PSMD13: variants seen among roughly 807,000 people sequenced by gnomAD.
The protein encoded by PSMD13 is proteasome 26S subunit, non-ATPase 13, also known as 26S proteasome non-ATPase regulatory subunit 13.
Under a neutral mutation model 57.4 loss-of-function variants are expected in PSMD13, and 8 were observed. The observed-to-expected ratio is 0.14, with a 90% confidence interval of 0.08 to 0.25. The LOEUF is 0.25. Ranked by LOEUF, PSMD13 falls within the 10% of genes least tolerant of loss-of-function variation. The probability of loss-of-function intolerance (pLI) is 1.00; values close to 1 mark genes in which losing one functional copy is unlikely to be tolerated. For missense variants in PSMD13, 400 were observed against 461.5 expected, an observed-to-expected ratio of 0.87 and a Z score of 1.22; for synonymous variants, 193 against 168.2, an observed-to-expected ratio of 1.15 and a Z score of -1.14.
At position 252,812 on chromosome 11, in the gene PSMD13, G is replaced by A. The variant is rs1377781286; in HGVS notation, c.*212G>A. 1 of 542,666 alleles carries A rather than the reference G, an allele frequency of 1.8e-6. No homozygotes were observed. Among genetic ancestry groups the A allele is most frequent in the African/African-American group, 1.9e-5 (1 of 52,734 alleles). The allele number at this position is 542,666 out of a possible 1,614,324, so 33.6% of individuals were successfully genotyped here. A position where few individuals can be genotyped will look rare whatever the true frequency, so the allele number is the denominator to read the frequency against. On this transcript the variant is annotated 3_prime_UTR_variant, in exon 13 of 13. Transcript: ENST00000532097. This position sits in a 1 kb window ranked among gnomAD's most constrained non-coding sequence, Gnocchi z 4.1. Reference sequence around the variant, plus strand: ...CTTCTTTGTGGGTCTCTCCTGCAGAGGGTGGGGGTCTCAGGGTCTTAGGTG... The same window carrying A: ...CTTCTTTGTGGGTCTCTCCTGCAGAAGGTGGGGGTCTCAGGGTCTTAGGTG...
At chr11:250,356 C>T (rs1409279432) in intron 9 of PSMD13, among the ~76,000 whole-genome samples, 1 of 152,204 alleles carries the variant, frequency 6.6e-6, no homozygotes, top group Non-Finnish European at 1.5e-5. Flanking sequence ...TGATTCAGAA[C>T]AAGTCTCTAG....
At chr11:244,621 G>A in intron 5 of PSMD13, 54 bp from the exon 6 acceptor site, 1 of 1,556,696 alleles carries the variant, frequency 6.4e-7, no homozygotes, top group South Asian at 1.1e-5. Flanking sequence ...AGCTTCCTTT[G>A]TTAGTCAACT....
In PSMD13 at chr11:251,402, T is replaced by C. The variant is rs1006687597; in HGVS notation, c.838-144T>C. The C allele has an allele frequency of 6.1e-5, 42 of 685,660 alleles. No individual in the cohort carries two copies. Among genetic ancestry groups the C allele is most frequent in the Non-Finnish European group, 1.0e-4 (42 of 409,778 alleles). 42.5% of individuals were successfully genotyped at this position (685,660 alleles called of 1,614,324 possible). ...TTAAAAGCTTGTTCTTAACAAGATA[T>C]ATGTCTAATATTAGGAAACTTTTTA... On this transcript the variant is annotated intron_variant, in intron 10 of 12. Transcript: ENST00000532097. The surrounding 1 kb of genome is among the most constrained non-coding windows in gnomAD (Gnocchi z 4.6).
intron 2 of PSMD13, 36 bp from the exon 3 acceptor site, chr11:244,005 C>T: frequency 6.3e-7 from 1 of 1,575,844 alleles, no homozygotes; most frequent in Non-Finnish European, 8.7e-7. Flanking sequence ...GAATAAAAGA[C>T]ATCCTATAAT....
rs776721555 is a variant in PSMD13 at position 237,099 on chromosome 11, G to C, written c.50G>C (p.Gly17Ala). ...CAGCAGAGCCAGAACTCCGGGCCCG[G>C]GCAGCCCGCTGTGTGGCACCGTCTG... is the stretch of plus-strand genomic sequence containing the variant. ...FLQQSQNSGP[G>A]QPAVWHRLEE... The change falls in exon 1 of 13, where the codon GGG becomes GCG. Residue 17 changes from glycine to alanine, a missense_variant. Coordinates refer to ENST00000532097, the MANE Select transcript of PSMD13 (RefSeq NM_002817.4). 6.2e-7 allele frequency: 1 copy of C among 1,613,824 alleles called. No individual in the cohort carries two copies. Among genetic ancestry groups the C allele is most frequent in the Admixed American group, 1.7e-5 (1 of 60,022 alleles).
At position 252,471 on chromosome 11, in the gene PSMD13, C is replaced by G; in HGVS notation, c.1036-34C>G. ...CGCTCGGCCTGTGTCTCCTGCGTGTCTTAACGTCCCTTGTGTCCGGATTTC... is the reference window on the plus strand; with the variant it reads ...CGCTCGGCCTGTGTCTCCTGCGTGTGTTAACGTCCCTTGTGTCCGGATTTC... On this transcript the variant is annotated intron_variant, in intron 12 of 12. Coordinates refer to ENST00000532097, the MANE Select transcript of PSMD13 (RefSeq NM_002817.4). This position sits in a 1 kb window ranked among gnomAD's most constrained non-coding sequence, Gnocchi z 4.1. The G allele has an allele frequency of 6.2e-7, 1 of 1,608,482 alleles. No individual in the cohort carries two copies. Among genetic ancestry groups the G allele is most frequent in the African/African-American group, 1.3e-5 (1 of 74,892 alleles).
Position 252,004 on chromosome 11 carries a change from T to G in PSMD13, c.1035+68T>G. On this transcript the variant is annotated intron_variant, in intron 12 of 12. Transcript: ENST00000532097. The surrounding 1 kb of genome is among the most constrained non-coding windows in gnomAD (Gnocchi z 4.1). ...GGGGTTGTGTCTATACCGTCTTAGT[T>G]TCATTTGGATGGAAGCCATTTGGGA... The G allele has an allele frequency of 7.1e-7, 1 of 1,404,594 alleles. No individual in the cohort carries two copies. The highest frequency in any genetic ancestry group is 9.9e-7 in the Non-Finnish European group (1 of 1,008,710). The allele number at this position is 1,404,594 out of a possible 1,614,324, so 87.0% of individuals were successfully genotyped here. A position where few individuals can be genotyped will look rare whatever the true frequency, so the allele number is the denominator to read the frequency against.
chr11:238,494 T>G (rs1859436722), intron 1 of PSMD13, among the ~76,000 whole-genome samples: 2 of 152,210 alleles, frequency 1.3e-5, no homozygotes, highest in Non-Finnish European at 2.9e-5. Flanking sequence ...AGTATGGATT[T>G]AGTATCCCTT....
chr11:244,224 T>G lies in PSMD13; in HGVS notation c.265+8T>G, dbSNP rs374918069. 10 of 1,609,338 alleles carry G rather than the reference T, an allele frequency of 6.2e-6. No individual in the cohort carries two copies. In the African/African-American group the frequency reaches 1.2e-4, roughly 19 times the overall value. On this transcript the variant is annotated splice_region_variant and intron_variant, in intron 4 of 12. Coordinates refer to ENST00000532097, the MANE Select transcript of PSMD13 (RefSeq NM_002817.4). Reference sequence around the variant, plus strand: ...TAGTTAGACAGATGACTGGTAAGTCTCACTTTGTTTTATAAAGGAGCAGAT... The same window carrying G: ...TAGTTAGACAGATGACTGGTAAGTCGCACTTTGTTTTATAAAGGAGCAGAT...
At chr11:244,518 A>G (rs750506633) in intron 5 of PSMD13, 49 bp downstream of exon 5, 36 of 1,568,014 alleles carry the variant, frequency 2.3e-5, no homozygotes, top group Non-Finnish European at 2.5e-5. Flanking sequence ...TAGAGTATGT[A>G]TGACTTAACA....
intron 2 of PSMD13, among the ~76,000 whole-genome samples, chr11:242,151 T>C (rs1220392336): frequency 1.3e-5 from 2 of 150,642 alleles, no homozygotes; most frequent in African/African-American, 4.9e-5. Flanking sequence ...TTTCTTTCTT[T>C]TTGCTCTTAA....
intron 2 of PSMD13, chr11:243,244 A>G: frequency 2.0e-6 from 1 of 496,202 alleles, no homozygotes; most frequent in South Asian, 1.8e-5. Context: ...GGAAATGTAC[A>G]AGATAGAGGC....
intron 2 of PSMD13, among the ~76,000 whole-genome samples, chr11:242,417 A>G (rs1859534125): frequency 6.6e-6 from 1 of 151,888 alleles, no homozygotes; most frequent in South Asian, 2.1e-4. Context: ...CATTAACTTA[A>G]TAGGTGAACA....
chr11:237,777 G>C (rs1312796909), intron 1 of PSMD13, among the ~76,000 whole-genome samples: 1 of 152,206 alleles, frequency 6.6e-6, no homozygotes, highest in African/African-American at 2.4e-5. Context: ...GGTTTGTTTA[G>C]AAACAGGATG....
chr11:252,589 A>G lies in PSMD13; in HGVS notation c.1120A>G (p.Ile374Val), dbSNP rs200373903. The change falls in exon 13 of 13, where the codon ATC becomes GTC. Residue 374 changes from isoleucine (I) to valine (V), a missense_variant. By Grantham distance (29) the Ile-to-Val change is conservative. Coordinates refer to ENST00000532097, the MANE Select transcript of PSMD13 (RefSeq NM_002817.4). The surrounding 1 kb of genome is among the most constrained non-coding windows in gnomAD (Gnocchi z 4.1). The stretch of plus-strand genomic sequence containing the variant: ...GCTGGTGGAGCACCAGGCCCATGAC[A>G]TCCTCACCTAGGGCCCCCTGGTTCC... ...EMLVEHQAHD[I>V]LT is the part of the protein sequence containing the mutation. The G allele has an allele frequency of 6.8e-6, 11 of 1,614,136 alleles. No homozygotes were observed. Among genetic ancestry groups the G allele is most frequent in the Non-Finnish European group, 7.6e-6 (9 of 1,180,000 alleles).
intron 7 of PSMD13, 57 bp from the exon 8 acceptor site, chr11:248,719 C>A: frequency 6.6e-7 from 1 of 1,517,742 alleles, no homozygotes; most frequent in Non-Finnish European, 9.1e-7. Context: ...ATTTTTAAAG[C>A]TAAACAGGAC....
At chr11:247,667 A>G (rs1373529615) in intron 7 of PSMD13, 4 of 389,490 alleles carry the variant, frequency 1.0e-5, no homozygotes, top group Admixed American at 4.5e-5. Context: ...CCCTGTCTCT[A>G]CTAAAAATAC....
chr11:238,913 T>C, intron 1 of PSMD13, 85 bp from the exon 2 acceptor site: 2 of 1,301,238 alleles, frequency 1.5e-6, no homozygotes, highest in South Asian at 1.2e-5. Flanking sequence ...CCAACCTGTA[T>C]TTGTGACTTG....
At chr11:237,572 A>G (rs1478741025) in intron 1 of PSMD13, among the ~76,000 whole-genome samples, 3 of 152,196 alleles carry the variant, frequency 2.0e-5, no homozygotes, top group African/African-American at 4.8e-5. Flanking sequence ...TAGCCTTGTC[A>G]TAGTGTAACT....
Sources: allele counts gnomAD v4.1 joint callset (sites outside exome capture counted in the v4.1 genomes callset), GRCh38; gene constraint gnomAD v4.1.1; non-coding constraint Gnocchi (gnomAD v3.1); transcripts MANE v1.5; gene names NCBI Gene and HGNC (gene_info 2026-07-23, HGNC 2026-07-21).